The following ZC3H8 variants were observed in gnomAD, a reference collection of about 807,000 sequenced individuals.
ZC3H8 encodes zinc finger CCCH-type containing 8, also known as zinc finger CCCH domain-containing protein 8.
In ZC3H8, 27 loss-of-function variants were observed where a neutral mutation model predicts 42.5. The observed-to-expected ratio is 0.64, with a 90% CI of 0.47 to 0.88. The LOEUF (loss-of-function observed/expected upper bound fraction) is 0.88, where lower values mean the gene tolerates loss of function less well. Ranked by LOEUF, ZC3H8 falls within the 40% of genes least tolerant of loss-of-function variation. The pLI, the probability that ZC3H8 is intolerant of heterozygous loss-of-function variation, is 0.00. For synonymous variants in ZC3H8, 101 were observed against 110.1 expected (o/e 0.92, Z 0.52); for missense variants, 277 against 336.1 (o/e 0.82, Z 1.37).
chr2:112,217,167 G>A (rs1684363240), intron 8 of ZC3H8, among the ~76,000 whole-genome samples: 3 of 152,050 alleles, frequency 2.0e-5, no homozygotes, highest in African/African-American at 4.8e-5. Context: ...TCAGGAGTTC[G>A]AGACCAGCCT....
At chr2:112,234,970 A>G (rs1685257764) in intron 4 of ZC3H8, among the ~76,000 whole-genome samples, 1 of 152,178 alleles carries the variant, frequency 6.6e-6, no homozygotes, top group Admixed American at 6.5e-5. Flanking sequence ...AGTTGAGCAC[A>G]CTTATCAGCT....
At chr2:112,235,285 T>C (rs1573908051) in intron 4 of ZC3H8, among the ~76,000 whole-genome samples, 1 of 152,256 alleles carries the variant, frequency 6.6e-6, no homozygotes, top group Admixed American at 6.5e-5. Flanking sequence ...CCAGTTTAAA[T>C]CTTGTTTTAT....
In ZC3H8 at chr2:112,254,993, G is replaced by A. The variant is rs763834482; in HGVS notation, c.-12C>T. 8.1e-6 allele frequency: 13 copies of A among 1,599,984 alleles called. No homozygotes were observed. The South Asian group carries it at 1.5e-4, about 18-fold the overall frequency. ...TTCTCAAAATCCATGACCCAGACAG[G>A]TCCTCCCTTTCGCGAGCCGGGAAGC... is the stretch of plus-strand genomic sequence containing the variant. On this transcript the variant is annotated 5_prime_UTR_variant, in exon 1 of 9. Transcript: ENST00000409573.
At chr2:112,230,721 C>T (rs1200359781) in intron 8 of ZC3H8, 182 bp downstream of exon 8, 6 of 275,630 alleles carry the variant, frequency 2.2e-5, no homozygotes, top group Non-Finnish European at 4.0e-5. Flanking sequence ...CAAGCCCACA[C>T]AAGGAAGCAG....
At position 112,255,005 on chromosome 2, in the gene ZC3H8, G is replaced by T; in HGVS notation, c.-24C>A. 6.3e-7 allele frequency: 1 copy of T among 1,586,206 alleles called. No individual in the cohort carries two copies. On this transcript the variant is annotated 5_prime_UTR_variant, in exon 1 of 9. Coordinates refer to ENST00000409573, the MANE Select transcript of ZC3H8 (RefSeq NM_032494.3). ...ATGACCCAGACAGGTCCTCCCTTTC[G>T]CGAGCCGGGAAGCTACAGAGTAACA...
chr2:112,222,689 A>T (rs1684643177), intron 8 of ZC3H8, among the ~76,000 whole-genome samples: 1 of 152,250 alleles, frequency 6.6e-6, no homozygotes, highest in African/African-American at 2.4e-5. Context: ...ATACTGTATG[A>T]TTTCACTTAT....
intron 8 of ZC3H8, among the ~76,000 whole-genome samples, chr2:112,220,939 G>A (rs189155552): frequency 8.1e-4 from 123 of 152,306 alleles, no homozygotes; most frequent in Non-Finnish European, 1.4e-3. Context: ...TCATGAGGAT[G>A]ATCTTCTTGT....
In ZC3H8 at chr2:112,250,284, A is replaced by G. The variant is rs1685902205; in HGVS notation, c.75-12T>C. The G allele has an allele frequency of 6.5e-7, 1 of 1,539,018 alleles. No homozygotes were observed. The highest frequency in any genetic ancestry group is 8.8e-7 in the Non-Finnish European group (1 of 1,139,962). On this transcript the variant is annotated splice_polypyrimidine_tract_variant and intron_variant, in intron 1 of 8. Transcript: ENST00000409573. ...TTTCATCATCGATTCTGTAGCAAAA[A>G]TATCAAATAACACAAAAGAGTTTTT...
intron 7 of ZC3H8, among the ~76,000 whole-genome samples, chr2:112,231,363 G>A (rs539892066): frequency 5.7e-4 from 86 of 152,174 alleles, no homozygotes; most frequent in African/African-American, 2.0e-3. Flanking sequence ...ACTAACATGA[G>A]AAATGAAAGA....
Position 112,231,902 on chromosome 2 carries a change from TG to T in ZC3H8, c.778del (p.Gln260ArgfsTer12). ...KFYHTGTKCY[Q>X]GEYCKFSHAP... is the part of the protein sequence containing the mutation. ...ATGAGAAAACTTGCAGTATTCTCCC[TG>T]ATAACATTTTGTTCCTGTATGGTAA... is the stretch of plus-strand genomic sequence containing the variant. On this transcript the variant is annotated frameshift_variant, in exon 7 of 9. Coordinates refer to ENST00000409573, the MANE Select transcript of ZC3H8 (RefSeq NM_032494.3). LOFTEE classifies it high-confidence loss of function. The T allele has an allele frequency of 6.3e-7, 1 of 1,588,896 alleles. No homozygotes were observed. Among genetic ancestry groups the T allele is most frequent in the Non-Finnish European group, 8.6e-7 (1 of 1,164,086 alleles).
chr2:112,215,621 T>C lies in ZC3H8; in HGVS notation c.*863A>G, dbSNP rs1684290134. The C allele has an allele frequency of 6.6e-6, 1 of 152,204 alleles. No homozygotes were observed. The highest frequency in any genetic ancestry group is 1.5e-5 in the Non-Finnish European group (1 of 68,028). 9.4% of individuals were successfully genotyped at this position (152,204 alleles called of 1,614,324 possible). ...CAATAAAACAATATAATGACGAGTT[T>C]CCATTTCATGGTATTTGTCTAATAA... On this transcript the variant is annotated 3_prime_UTR_variant, in exon 9 of 9. Coordinates refer to ENST00000409573, the MANE Select transcript of ZC3H8 (RefSeq NM_032494.3).
At chr2:112,236,318 A>G (rs1022515313) in intron 4 of ZC3H8, among the ~76,000 whole-genome samples, 1 of 152,190 alleles carries the variant, frequency 6.6e-6, no homozygotes, top group Non-Finnish European at 1.5e-5. Flanking sequence ...ATTCAGGAAC[A>G]ACAGTGAGAA....
intron 8 of ZC3H8, among the ~76,000 whole-genome samples, chr2:112,227,449 C>G (rs374538568): frequency 6.6e-6 from 1 of 152,182 alleles, no homozygotes; most frequent in Non-Finnish European, 1.5e-5. Context: ...CACCTGAACC[C>G]GCAAGGCCGC....
intron 8 of ZC3H8, among the ~76,000 whole-genome samples, chr2:112,216,695 A>AAAT (rs1553483621): frequency 6.4e-4 from 98 of 152,090 alleles, no homozygotes; most frequent in South Asian, 5.0e-3. Flanking sequence ...AAAAAAAAAA[A>AAAT]AATACAAATA....
intron 1 of ZC3H8, among the ~76,000 whole-genome samples, chr2:112,253,136 A>C (rs1228333353): frequency 1.3e-5 from 2 of 151,556 alleles, no homozygotes; most frequent in African/African-American, 4.9e-5. Context: ...TCTGCTCAAA[A>C]AAATAAAAAA....
intron 1 of ZC3H8, 30 bp downstream of exon 1, chr2:112,254,878 C>T (rs1686071187): frequency 6.2e-7 from 1 of 1,609,912 alleles, no homozygotes; most frequent in Non-Finnish European, 8.5e-7. Context: ...TGAGCCCCTG[C>T]ATTCAAAAGA....
At chr2:112,254,716 G>C (rs544747818) in intron 1 of ZC3H8, among the ~76,000 whole-genome samples, 192 bp downstream of exon 1, 1 of 152,314 alleles carries the variant, frequency 6.6e-6, no homozygotes, top group South Asian at 2.1e-4. Flanking sequence ...CCCGCGTTCA[G>C]CTTCTGCTCC....
chr2:112,251,433 A>G (rs1390370163), intron 1 of ZC3H8, among the ~76,000 whole-genome samples: 1 of 152,174 alleles, frequency 6.6e-6, no homozygotes, highest in African/African-American at 2.4e-5. Flanking sequence ...AAAAACCCCA[A>G]TACTTGTGAA....
At chr2:112,245,137 C>G (rs374201491) in intron 2 of ZC3H8, among the ~76,000 whole-genome samples, 2 of 152,210 alleles carry the variant, frequency 1.3e-5, no homozygotes, top group African/African-American at 2.4e-5. Flanking sequence ...GATATGAACA[C>G]AAAACAGCCT....
Sources: allele counts gnomAD v4.1 joint callset (sites outside exome capture counted in the v4.1 genomes callset), GRCh38; gene constraint gnomAD v4.1.1; transcripts MANE v1.5; gene names NCBI Gene and HGNC (gene_info 2026-07-23, HGNC 2026-07-21).